MAP3K11: variants seen among roughly 807,000 people sequenced by gnomAD.
MAP3K11 encodes the protein SH3 domain-containing proline-rich kinase.
In MAP3K11, 46 loss-of-function variants were observed where a neutral mutation model predicts 84.9. That is an observed-to-expected ratio of 0.54 (90% CI 0.43 to 0.69). The LOEUF is 0.69. Among genes scored for constraint, MAP3K11 ranks in the 30% least tolerant of loss-of-function variants. The pLI is 0.00. For synonymous variants in MAP3K11, 527 were observed against 514.7 expected (o/e 1.02, Z -0.32); for missense variants, 1,053 against 1,198.3 (o/e 0.88, Z 1.79).
chr11:65,599,890 T>A lies in MAP3K11; in HGVS notation c.1832-122A>T, dbSNP rs922740180. The A allele has an allele frequency of 1.2e-5, 13 of 1,042,812 alleles. No homozygotes were observed. The South Asian group carries it at 1.8e-4, about 14-fold the overall frequency. The allele number at this position is 1,042,812 out of a possible 1,614,324, so 64.6% of individuals were successfully genotyped here. ...TGCCCTCTACTAGCATCTTCCCTGG[T>A]CCCACAGGTCCCATGGCCTCCCCAT... On this transcript the variant is annotated intron_variant, in intron 8 of 9. Transcript: ENST00000309100.
At position 65,598,171 on chromosome 11, in the gene MAP3K11, A is replaced by G; in HGVS notation, c.*120T>C. ...TGCAGTGTAGTGTTCCTGACCCCCA[A>G]AGGGGGGTGGGGTCCCTGGGGAAAC... On this transcript the variant is annotated 3_prime_UTR_variant, in exon 10 of 10. Coordinates refer to ENST00000309100, the MANE Select transcript of MAP3K11 (RefSeq NM_002419.4). 1.2e-6 allele frequency: 1 copy of G among 841,216 alleles called. No individual in the cohort carries two copies. The allele number at this position is 841,216 out of a possible 1,614,324, so 52.1% of individuals were successfully genotyped here.
chr11:65,610,745 G>C (rs1207142149), intron 1 of MAP3K11: 1 of 152,296 alleles, frequency 6.6e-6, no homozygotes, highest in African/African-American at 2.4e-5. Flanking sequence ...AGTATCTCAG[G>C]CCGGGTGGCC....
chr11:65,603,225 G>A (rs938513588), intron 8 of MAP3K11, among the ~76,000 whole-genome samples: 7 of 152,260 alleles, frequency 4.6e-5, no homozygotes, highest in Admixed American at 1.3e-4. Flanking sequence ...GAAGGGTAAG[G>A]GACTTGGTCA....
chr11:65,607,058 C>T (rs987171982), intron 5 of MAP3K11: 11 of 758,608 alleles, frequency 1.5e-5, no homozygotes, highest in South Asian at 4.2e-5. Flanking sequence ...GAACCCCACC[C>T]CTTCCCACTC....
chr11:65,612,787 G>A (rs1404856833), intron 1 of MAP3K11: 2 of 416,192 alleles, frequency 4.8e-6, no homozygotes, highest in Non-Finnish European at 4.2e-6. Flanking sequence ...TGTCCAAACC[G>A]CAGCTGCAGG....
rs777793382 is a variant in MAP3K11 at position 65,605,982 on chromosome 11, G to T, written c.1703C>A (p.Pro568His). The change falls in exon 7 of 10, where the codon CCC (proline) becomes CAC (histidine). Residue 568 changes from proline (P) to histidine (H), a missense_variant. Coordinates refer to ENST00000309100, the MANE Select transcript of MAP3K11 (RefSeq NM_002419.4). ...GGCTTCCCCAGGCTTGGGGGAACTG[G>T]GACCCCAAGCCCAGCATGCTCGCCG... is the stretch of plus-strand genomic sequence containing the variant. ...GERRACWAWGPSSPKPGEAQN... is the reference protein window; with the variant it reads ...GERRACWAWGHSSPKPGEAQN... 6.2e-7 allele frequency: 1 copy of T among 1,601,782 alleles called. No individual in the cohort carries two copies. Among genetic ancestry groups the T allele is most frequent in the Admixed American group, 1.7e-5 (1 of 57,364 alleles).
At position 65,605,813 on chromosome 11, in the gene MAP3K11, A is replaced by T. The variant is rs199601318; in HGVS notation, c.1779T>A (p.Asp593Glu). 3.1e-4 allele frequency: 495 copies of T among 1,613,066 alleles called. No homozygotes were observed. Among genetic ancestry groups the T allele is most frequent in the Non-Finnish European group, 3.7e-4 (439 of 1,179,540 alleles). Reference protein sequence around the residue: ...SRMDEATWYLDSDDSSPLGSP... With the variant: ...SRMDEATWYLESDDSSPLGSP... ...ATCCTAAGGGGGATGAGTCATCTGA[A>T]TCCAGGTACCATGTGGCTTCGTCCA... The change falls in exon 8 of 10, where the codon GAT becomes GAA. Residue 593 changes from aspartate (D) to glutamate (E), a missense_variant. This residue lies in a region of MAP3K11 where 583 missense variants were observed against 566.6 expected (regional missense o/e 1.03). Transcript: ENST00000309100.
At position 65,606,853 on chromosome 11, in the gene MAP3K11, A is replaced by T. The variant is rs759790465; in HGVS notation, c.1490-49T>A. On this transcript the variant is annotated intron_variant, in intron 5 of 9. Transcript: ENST00000309100. ...AGGGTTCAGGTTTGTGATGAAGTAG[A>T]GCCAGGACCCCAACCTGCAGGGGCC... 25 of 1,275,548 alleles carry T rather than the reference A, an allele frequency of 2.0e-5. No homozygotes were observed. In the South Asian group the frequency reaches 3.0e-4, roughly 15 times the overall value. 79.0% of individuals were successfully genotyped at this position (1,275,548 alleles called of 1,614,324 possible).
chr11:65,606,857 A>C, intron 5 of MAP3K11, 53 bp from the exon 6 acceptor site: 1 of 1,241,784 alleles, frequency 8.1e-7, no homozygotes, highest in Non-Finnish European at 1.2e-6. Flanking sequence ...AAGTAGAGCC[A>C]GGACCCCAAC....
At chr11:65,606,409 A>T in intron 6 of MAP3K11, 1 of 422,572 alleles carries the variant, frequency 2.4e-6, no homozygotes, top group Middle Eastern at 5.9e-4. Context: ...TTAAATTAAC[A>T]ACAAAAATAA....
intron 8 of MAP3K11, among the ~76,000 whole-genome samples, chr11:65,603,729 T>C (rs1854479370): frequency 6.6e-6 from 1 of 152,242 alleles, no homozygotes; most frequent in African/African-American, 2.4e-5. Context: ...AGCCAGCCAC[T>C]GAGCTGGGCA....
At chr11:65,608,571 G>A (rs1159808188) in intron 1 of MAP3K11, 123 bp from the exon 2 acceptor site, 1 of 767,312 alleles carries the variant, frequency 1.3e-6, no homozygotes, top group Non-Finnish European at 2.2e-6. Flanking sequence ...AGGTGACTTG[G>A]TCTAGATCTT....
chr11:65,613,711 A>G lies in MAP3K11; in HGVS notation c.46T>C (p.Trp16Arg). The change falls in exon 1 of 10, where the codon TGG becomes CGG. Residue 16 changes from tryptophan to arginine, a missense_variant. Trp to Arg is a moderately radical substitution (Grantham distance 101). Around this residue, in one of 3 missense-constraint regions of MAP3K11, gnomAD observed 160 missense variants for 167.3 expected, o/e 0.96. Coordinates refer to ENST00000309100, the MANE Select transcript of MAP3K11 (RefSeq NM_002419.4). ...CCACCCCCGCTGCCACTGCCATTCC[A>G]TGACCCTAGAGGGCTCTTGAGGAAG... is the stretch of plus-strand genomic sequence containing the variant. Reference protein sequence around the residue: ...SLFLKSPLGSWNGSGSGGGGG... With the variant: ...SLFLKSPLGSRNGSGSGGGGG... The G allele has an allele frequency of 6.3e-7, 1 of 1,598,594 alleles. No individual in the cohort carries two copies. Among genetic ancestry groups the G allele is most frequent in the East Asian group, 2.2e-5 (1 of 44,618 alleles).
chr11:65,607,849 A>C, intron 3 of MAP3K11, 33 bp from the exon 4 acceptor site: 1 of 1,606,708 alleles, frequency 6.2e-7, no homozygotes, highest in Non-Finnish European at 8.5e-7. Flanking sequence ...GGACAGAATA[A>C]GAAGGGGTCC....
At chr11:65,602,736 T>A in intron 8 of MAP3K11, among the ~76,000 whole-genome samples, 1 of 148,112 alleles carries the variant, frequency 6.8e-6, no homozygotes, top group Non-Finnish European at 1.5e-5. Flanking sequence ...ACGTGGGAGG[T>A]GGAGGCTGAA....
rs907774910 is a variant in MAP3K11, at chr11:65,607,912, G to A, written c.1069+10C>T. On this transcript the variant is annotated intron_variant, in intron 3 of 9. Transcript: ENST00000309100. Reference sequence around the variant, plus strand: ...GCTCTGTACCTCACCTGCCCTCCCCGTCCTCTTACCGGCCATAAGCTGTGC... The same window carrying A: ...GCTCTGTACCTCACCTGCCCTCCCCATCCTCTTACCGGCCATAAGCTGTGC... 2.7e-5 allele frequency: 44 copies of A among 1,612,760 alleles called. No homozygotes were observed. Among genetic ancestry groups the A allele is most frequent in the Admixed American group, 6.7e-5 (4 of 59,904 alleles).
Position 65,598,539 on chromosome 11 carries a change from G to T in MAP3K11, c.2296C>A (p.Arg766=). The T allele has an allele frequency of 6.2e-7, 1 of 1,611,510 alleles. No homozygotes were observed. ...CTGCGAAGGGGCGAGGGCCGAGGTC[G>T]GCTGATGAGGCCCAGGGGTGGTGAA... ...PRSPPLGLIS[R]PRPSPLRSRI... is the part of the protein sequence containing the mutation. Residue 766 remains arginine, a synonymous_variant, in exon 10 of 10, where the codon CGA becomes AGA. Coordinates refer to ENST00000309100, the MANE Select transcript of MAP3K11 (RefSeq NM_002419.4).
chr11:65,601,913 GAA>G (rs1181601830), intron 8 of MAP3K11, among the ~76,000 whole-genome samples: 1 of 151,438 alleles, frequency 6.6e-6, no homozygotes, highest in African/African-American at 2.4e-5. Context: ...TTAAAAAAAA[GAA>G]AGAGTTGGCC....
intron 8 of MAP3K11, among the ~76,000 whole-genome samples, chr11:65,600,560 G>A (rs943008848): frequency 6.6e-6 from 1 of 152,200 alleles, no homozygotes; most frequent in Admixed American, 6.5e-5. Context: ...CTCTGCCCTA[G>A]ATTTCAAGAC....
Sources: allele counts gnomAD v4.1 joint callset (sites outside exome capture counted in the v4.1 genomes callset), GRCh38; gene constraint gnomAD v4.1.1; regional missense constraint gnomAD v4.1.1; transcripts MANE v1.5; gene names NCBI Gene and HGNC (gene_info 2026-07-23, HGNC 2026-07-21).